Variants in SND1 observed in about 807,000 individuals in gnomAD.
The protein encoded by SND1 is staphylococcal nuclease domain-containing protein 1.
In SND1, 38 loss-of-function variants were observed where a neutral mutation model predicts 121.7. The ratio of observed to expected loss-of-function variants is 0.31; its 90% CI spans 0.24 to 0.41. SND1 has a LOEUF of 0.41. SND1 is among the 10% of genes least tolerant of loss of function. The pLI, the probability that SND1 is intolerant of heterozygous loss-of-function variation, is 1.00. For synonymous variants in SND1, 401 were observed against 447.4 expected, an observed-to-expected ratio of 0.90 and a Z score of 1.31; for missense variants, 868 against 1,184.6, an observed-to-expected ratio of 0.73 and a Z score of 3.92.
chr7:127,760,825 C>T (rs754330015), intron 10 of SND1, among the ~76,000 whole-genome samples: 2 of 152,192 alleles, frequency 1.3e-5, no homozygotes, highest in Non-Finnish European at 2.9e-5. Flanking sequence ...TGCCTTCAAG[C>T]ACTGAGGCCC....
intron 16 of SND1, among the ~76,000 whole-genome samples, chr7:128,072,948 G>A (rs551440024): frequency 1.1e-4 from 16 of 152,316 alleles, no homozygotes; most frequent in South Asian, 2.1e-4. Flanking sequence ...GGACTCTGTC[G>A]TGAATTCAGG....
intron 9 of SND1, chr7:127,718,780 C>G (rs1796437218): frequency 5.1e-6 from 5 of 979,654 alleles, no homozygotes; most frequent in Non-Finnish European, 6.1e-6. Context: ...ATGATACTTT[C>G]TTTGGTTTTA....
intron 12 of SND1, among the ~76,000 whole-genome samples, chr7:127,863,558 T>A (rs1799416532): frequency 6.6e-6 from 1 of 152,206 alleles, no homozygotes; most frequent in Non-Finnish European, 1.5e-5. Flanking sequence ...AATTAACCAG[T>A]GCTATATGAA....
chr7:127,666,960 T>C (rs1046507449), intron 1 of SND1, among the ~76,000 whole-genome samples: 1 of 152,210 alleles, frequency 6.6e-6, no homozygotes, highest in African/African-American at 2.4e-5. Flanking sequence ...CCTAGGATGG[T>C]ACCTTAATTC....
At chr7:127,882,634 A>G (rs1271002646) in intron 12 of SND1, among the ~76,000 whole-genome samples, 1 of 151,230 alleles carries the variant, frequency 6.6e-6, no homozygotes. Context: ...AAAGGGAGGG[A>G]GAGAAAGTGG....
chr7:128,055,447 C>T (rs1260030545), intron 16 of SND1, among the ~76,000 whole-genome samples: 1 of 152,124 alleles, frequency 6.6e-6, no homozygotes, highest in Non-Finnish European at 1.5e-5. Context: ...ATTGGCCTTA[C>T]AGCAAGGGGA....
At chr7:127,990,211 TATA>T (rs1407646091) in intron 15 of SND1, among the ~76,000 whole-genome samples, 1 of 152,204 alleles carries the variant, frequency 6.6e-6, no homozygotes, top group Non-Finnish European at 1.5e-5. Context: ...GCGGATATAT[TATA>T]ATATCTGTTT....
intron 9 of SND1, among the ~76,000 whole-genome samples, chr7:127,713,858 G>A (rs1796338085): frequency 6.6e-6 from 1 of 152,212 alleles, no homozygotes; most frequent in Admixed American, 6.5e-5. Flanking sequence ...GTCTTTCCAG[G>A]TTAGCAGAGA....
At chr7:127,725,614 G>A (rs907562187) in intron 10 of SND1, among the ~76,000 whole-genome samples, 2 of 152,150 alleles carry the variant, frequency 1.3e-5, no homozygotes, top group African/African-American at 4.8e-5. Context: ...TGTGATGGAT[G>A]GACGGTGGAG....
chr7:128,091,692 G>A (rs528207764), intron 22 of SND1, 145 bp from the exon 23 acceptor site: 15 of 825,342 alleles, frequency 1.8e-5, no homozygotes, highest in Middle Eastern at 7.0e-4. Flanking sequence ...TGTGTTTTCC[G>A]TTTTACTCTG....
chr7:127,789,090 A>G (rs1381126112), intron 10 of SND1, among the ~76,000 whole-genome samples: 2 of 152,178 alleles, frequency 1.3e-5, no homozygotes, highest in Non-Finnish European at 2.9e-5. Flanking sequence ...GAAAGACTTC[A>G]CACTTGCTTA....
chr7:127,787,519 A>G (rs543415401), intron 10 of SND1, among the ~76,000 whole-genome samples: 129 of 152,270 alleles, frequency 8.5e-4, no homozygotes, highest in Non-Finnish European at 1.7e-3. Flanking sequence ...TCCTGATAAT[A>G]ATGGGAAGTT....
At chr7:127,888,661 T>C (rs1799954784) in intron 13 of SND1, among the ~76,000 whole-genome samples, 1 of 152,094 alleles carries the variant, frequency 6.6e-6, no homozygotes, top group African/African-American at 2.4e-5. Flanking sequence ...AGTGTGGTAG[T>C]TGAGTGATTC....
At chr7:127,688,950 T>C (rs1448329994) in intron 2 of SND1, among the ~76,000 whole-genome samples, 1 of 152,290 alleles carries the variant, frequency 6.6e-6, no homozygotes, top group East Asian at 1.9e-4. Context: ...AATTAAGAAG[T>C]TAGTGAAGCA....
Position 128,085,665 on chromosome 7 carries a change from A to C in SND1, c.2235-46A>C. 1 of 1,572,116 alleles carries C rather than the reference A, an allele frequency of 6.4e-7. No homozygotes were observed. Among genetic ancestry groups the C allele is most frequent in the South Asian group, 1.1e-5 (1 of 90,006 alleles). ...CATTGCTGAGGCTCTGGGAGCCCAG[A>C]GTCCTCAGGGCTGTCTCTTGAGCTC... On this transcript the variant is annotated intron_variant, in intron 19 of 23. Coordinates refer to ENST00000354725, the MANE Select transcript of SND1 (RefSeq NM_014390.4). This position sits in a 1 kb window ranked among gnomAD's most constrained non-coding sequence, Gnocchi z 4.4.
intron 15 of SND1, among the ~76,000 whole-genome samples, chr7:127,929,797 C>G (rs1052962101): frequency 6.6e-6 from 1 of 152,028 alleles, no homozygotes; most frequent in Admixed American, 6.6e-5. Context: ...AGATCCCAGT[C>G]CTTTATGAAA....
At chr7:128,074,453 C>A in intron 16 of SND1, 49 bp from the exon 17 acceptor site, 1 of 1,554,546 alleles carries the variant, frequency 6.4e-7, no homozygotes. Context: ...ACAGCCCCTG[C>A]ACACTCAGGC....
intron 15 of SND1, among the ~76,000 whole-genome samples, chr7:127,931,227 GTCTCAAAATAGAA>G (rs1471058642): frequency 6.6e-6 from 1 of 152,142 alleles, no homozygotes; most frequent in Non-Finnish European, 1.5e-5. Context: ...ATGAGACCCT[GTCTCAAAATAGAA>G]AAGAAATTGA....
intron 9 of SND1, among the ~76,000 whole-genome samples, chr7:127,717,272 A>C (rs1260960815): frequency 6.6e-6 from 1 of 152,132 alleles, no homozygotes; most frequent in Non-Finnish European, 1.5e-5. Flanking sequence ...TCATTTATTT[A>C]TACTTTATTT....
Sources: allele counts gnomAD v4.1 joint callset (sites outside exome capture counted in the v4.1 genomes callset), GRCh38; gene constraint gnomAD v4.1.1; non-coding constraint Gnocchi (gnomAD v3.1); transcripts MANE v1.5; gene names NCBI Gene and HGNC (gene_info 2026-07-23, HGNC 2026-07-21).